Variants in CHRNA7 observed in about 807,000 individuals in gnomAD.
CHRNA7 encodes the protein neuronal acetylcholine receptor subunit alpha-7.
A neutral mutation model predicts 48.0 loss-of-function variants in CHRNA7; 17 were observed. The observed-to-expected ratio is 0.35, with a 90% CI of 0.24 to 0.53. The LOEUF (loss-of-function observed/expected upper bound fraction) is 0.53. Ranked by LOEUF, CHRNA7 falls within the 20% of genes least tolerant of loss-of-function variation. CHRNA7 has a pLI of 0.92. For synonymous variants in CHRNA7, 75 were observed against 242.3 expected (o/e 0.31, Z 6.41); for missense variants, 155 against 577.7 (o/e 0.27, Z 7.50).
intron 4 of CHRNA7, among the ~76,000 whole-genome samples, chr15:32,146,969 G>A (rs1453694328): frequency 6.6e-6 from 1 of 152,172 alleles, no homozygotes; most frequent in Non-Finnish European, 1.5e-5. Context: ...AATGCTGTAA[G>A]GATTAAGATG....
chr15:32,060,977 G>A (rs1173125125), intron 2 of CHRNA7, among the ~76,000 whole-genome samples: 6 of 152,190 alleles, frequency 3.9e-5, no homozygotes, highest in Non-Finnish European at 8.8e-5. Flanking sequence ...GCCTACCCGA[G>A]GAGCATTGTG....
intron 4 of CHRNA7, chr15:32,112,284 G>T (rs1203111370): frequency 1.1e-5 from 5 of 462,124 alleles, no homozygotes; most frequent in Non-Finnish European, 1.7e-5. Context: ...ATGCACTGCT[G>T]GAGCCCACAG....
chr15:32,037,396 G>C (rs560991032), intron 2 of CHRNA7, among the ~76,000 whole-genome samples: 1 of 152,148 alleles, frequency 6.6e-6, no homozygotes, highest in East Asian at 1.9e-4. Flanking sequence ...TCAACATTGT[G>C]TTGGCTATTC....
At chr15:32,052,128 C>G (rs990379074) in intron 2 of CHRNA7, among the ~76,000 whole-genome samples, 3 of 152,070 alleles carry the variant, frequency 2.0e-5, no homozygotes, top group Non-Finnish European at 4.4e-5. Context: ...TCAGGGCTCC[C>G]CTCTCTTCCT....
intron 4 of CHRNA7, among the ~76,000 whole-genome samples, chr15:32,152,996 C>CTG: frequency 6.6e-6 from 1 of 152,062 alleles, no homozygotes; most frequent in East Asian, 1.9e-4. Context: ...AGTGGTGCAT[C>CTG]CGTCTAAAAC....
At chr15:32,084,955 C>T (rs1169839685) in intron 2 of CHRNA7, among the ~76,000 whole-genome samples, 1 of 151,988 alleles carries the variant, frequency 6.6e-6, no homozygotes, top group African/African-American at 2.4e-5. Context: ...GCCTCAGCCT[C>T]CTGAGTAGCT....
Position 32,168,758 on chromosome 15 carries a change from TCCCC to T in CHRNA7, c.*301_*304del. The T allele has an allele frequency of 1.3e-4, 6 of 44,588 alleles. No individual in the cohort carries two copies. The highest frequency in any genetic ancestry group is 2.1e-4 in the African/African-American group (1 of 4,836). The allele number at this position is 44,588 out of a possible 1,614,324, so 2.8% of individuals were successfully genotyped here. On this transcript the variant is annotated 3_prime_UTR_variant, in exon 10 of 10. Transcript: ENST00000306901. The stretch of plus-strand genomic sequence containing the variant: ...CTGCCTGGAAAGCCCTTCGGAGAGC[TCCCC>T]ATGGCTCCTCACCACCGAGACAGTT...
In CHRNA7 at chr15:32,125,565, A is replaced by G. The variant is rs1216554065; in HGVS notation, c.350+13666A>G. ...TCTGGGGTCAAGAGGGGACAATCGGAAAGAGCTTTAAAAACTCTCAGGCTG... is the reference window on the plus strand; with the variant it reads ...TCTGGGGTCAAGAGGGGACAATCGGGAAGAGCTTTAAAAACTCTCAGGCTG... On this transcript the variant is annotated intron_variant, in intron 4 of 9. Coordinates refer to ENST00000306901, the MANE Select transcript of CHRNA7 (RefSeq NM_000746.6). 2.0e-5 allele frequency among the ~76,000 whole-genome samples: 3 copies of G among 152,274 alleles called. No homozygotes were observed. The East Asian group carries it at 5.8e-4, about 29-fold the overall frequency.
chr15:32,123,092 A>ATCTTTCTT (rs1566856075), intron 4 of CHRNA7, among the ~76,000 whole-genome samples: 1 of 152,202 alleles, frequency 6.6e-6, no homozygotes, highest in African/African-American at 2.4e-5. Flanking sequence ...GAAGAAACCA[A>ATCTTTCTT]GAAAGAGGCA....
intron 2 of CHRNA7, among the ~76,000 whole-genome samples, chr15:32,031,642 A>T (rs1420463054): frequency 1.3e-5 from 2 of 152,220 alleles, no homozygotes; most frequent in Non-Finnish European, 2.9e-5. Flanking sequence ...CCCGTCAGGA[A>T]TACATGTGTC....
Position 32,064,489 on chromosome 15 carries a change from GTGTA to G in CHRNA7, c.195+33456_195+33459del, listed in dbSNP as rs1244497848. ...TAGAAGCTGTGTGTGTGTAGTGTGT[GTGTA>G]TGTGTGTGTATGTGTGTGTGTGGTG... is the stretch of plus-strand genomic sequence containing the variant. On this transcript the variant is annotated intron_variant, in intron 2 of 9. Transcript: ENST00000306901. Among the ~76,000 whole-genome samples the G allele has an allele frequency of 5.4e-3, 821 of 151,022 alleles. 14 individuals carry two copies. Among genetic ancestry groups the G allele is most frequent in the African/African-American group, 0.018 (745 of 41,120 alleles).
chr15:32,046,431 C>A (rs199600010), intron 2 of CHRNA7, among the ~76,000 whole-genome samples: 142,829 of 145,688 alleles, frequency 0.98, 70,116 homozygotes, highest in East Asian at 1. Flanking sequence ...GATGATGAGC[C>A]TTTTTTCATG....
chr15:32,131,032 A>C (rs1482250853), intron 4 of CHRNA7, among the ~76,000 whole-genome samples: 1 of 152,108 alleles, frequency 6.6e-6, no homozygotes, highest in Non-Finnish European at 1.5e-5. Context: ...TTCTGCTGTC[A>C]TTTAAATTTG....
At chr15:32,044,737 A>G (rs770248426) in intron 2 of CHRNA7, among the ~76,000 whole-genome samples, 1 of 152,240 alleles carries the variant, frequency 6.6e-6, no homozygotes, top group African/African-American at 2.4e-5. Context: ...AAAAAATTTC[A>G]GTTGCCCCAA....
In CHRNA7 at chr15:32,093,796, A is replaced by G. The variant is rs146928794; in HGVS notation, c.196-7507A>G. Among the ~76,000 whole-genome samples, 235 of 152,318 alleles carry G rather than the reference A, an allele frequency of 1.5e-3. 2 individuals carry two copies. The highest frequency in any genetic ancestry group is 5.6e-3 in the African/African-American group (232 of 41,570). On this transcript the variant is annotated intron_variant, in intron 2 of 9. Transcript: ENST00000306901. ...TGGGAGGAAAAAAAATATGTATATA[A>G]ATATACACGTATTACACTGTGGTCT...
chr15:32,141,075 A>G (rs1022172706), intron 4 of CHRNA7, among the ~76,000 whole-genome samples: 1 of 152,168 alleles, frequency 6.6e-6, no homozygotes, highest in African/African-American at 2.4e-5. Flanking sequence ...TAAGTCTTTA[A>G]TCCATCTTGA....
intron 3 of CHRNA7, among the ~76,000 whole-genome samples, chr15:32,105,026 G>A (rs375953692): frequency 2.0e-4 from 30 of 152,264 alleles, no homozygotes; most frequent in African/African-American, 6.3e-4. Flanking sequence ...AATGTAACTG[G>A]ATTATTACTT....
rs1436295784 is a variant in CHRNA7, at chr15:32,031,122, T to G, written c.195+85T>G. On this transcript the variant is annotated intron_variant, in intron 2 of 9. Coordinates refer to ENST00000306901, the MANE Select transcript of CHRNA7 (RefSeq NM_000746.6). The stretch of plus-strand genomic sequence containing the variant: ...TAGACAGCGTCGGGCGGCCAGGCGG[T>G]GGAGCTCGGCTGGGGCACTCTAGTT... The G allele has an allele frequency of 1.4e-5, 21 of 1,553,322 alleles. No homozygotes were observed. The Admixed American group carries it at 1.7e-4, about 13-fold the overall frequency.
chr15:32,052,452 C>T (rs1303616369), intron 2 of CHRNA7, among the ~76,000 whole-genome samples: 1 of 152,106 alleles, frequency 6.6e-6, no homozygotes, highest in African/African-American at 2.4e-5. Context: ...TGGAAGAGGC[C>T]AGGTGCGTTG....
Sources: allele counts gnomAD v4.1 joint callset (sites outside exome capture counted in the v4.1 genomes callset), GRCh38; gene constraint gnomAD v4.1.1; transcripts MANE v1.5; gene names NCBI Gene and HGNC (gene_info 2026-07-23, HGNC 2026-07-21).